Variants in PCDH9 observed in about 807,000 individuals in gnomAD.
PCDH9 encodes protocadherin-9.
Under a neutral mutation model 70.6 loss-of-function variants are expected in PCDH9, and 24 were observed. The observed-to-expected ratio is 0.34, with a 90% CI of 0.25 to 0.48. The LOEUF is 0.48. Among genes scored for constraint, PCDH9 ranks in the 20% least tolerant of loss-of-function variants. The probability of loss-of-function intolerance (pLI) is 0.99; values close to 1 mark genes in which losing one functional copy is unlikely to be tolerated. For missense variants in PCDH9, 1,281 were observed against 1,503.6 expected (o/e 0.85, Z 2.45); for synonymous variants, 562 against 558.5 (o/e 1.01, Z -0.09).
At chr13:66,459,319 T>A (rs934997443) in intron 4 of PCDH9, among the ~76,000 whole-genome samples, 6 of 152,016 alleles carry the variant, frequency 3.9e-5, no homozygotes, top group African/African-American at 7.2e-5. Context: ...TGTCATTTAA[T>A]GCAATAATGC....
chr13:67,099,372 T>C (rs1340246873), intron 2 of PCDH9, among the ~76,000 whole-genome samples: 1 of 152,204 alleles, frequency 6.6e-6, no homozygotes, highest in Non-Finnish European at 1.5e-5. Flanking sequence ...GATTTTTCAA[T>C]CTGCCATTCA....
Position 67,227,526 on chromosome 13 carries a change from T to G in PCDH9, c.915A>C (p.Leu305Phe). 6.2e-7 allele frequency: 1 copy of G among 1,613,912 alleles called. No homozygotes were observed. The highest frequency in any genetic ancestry group is 1.1e-5 in the South Asian group (1 of 91,066). The part of the protein sequence containing the change: ...VAPATKRLFA[L>F]NNTTGLITVQ... ...CTGTAATCAGCCCAGTAGTATTATTTAAAGCAAAGAGTCTTTTGGTTGCAG... is the reference window on the plus strand; with the variant it reads ...CTGTAATCAGCCCAGTAGTATTATTGAAAGCAAAGAGTCTTTTGGTTGCAG... The change falls in exon 2 of 5, where the codon TTA becomes TTC. Residue 305 changes from leucine to phenylalanine, a missense_variant. By Grantham distance (22) the Leu-to-Phe change is conservative. Coordinates refer to ENST00000377865, the MANE Select transcript of PCDH9 (RefSeq NM_203487.3). The surrounding 1 kb of genome is among the most constrained non-coding windows in gnomAD (Gnocchi z 4.6).
intron 3 of PCDH9, among the ~76,000 whole-genome samples, chr13:66,876,673 A>G (rs561082613): frequency 3.9e-5 from 6 of 152,280 alleles, no homozygotes; most frequent in African/African-American, 1.4e-4. Context: ...CATGAAAATT[A>G]TATTATTATG....
At chr13:66,453,453 T>C (rs1334277041) in intron 4 of PCDH9, among the ~76,000 whole-genome samples, 1 of 152,226 alleles carries the variant, frequency 6.6e-6, no homozygotes, top group African/African-American at 2.4e-5. Context: ...ATTTTCTTTT[T>C]GCAGGTCCCC....
chr13:66,770,771 C>A (rs935581876), intron 3 of PCDH9, among the ~76,000 whole-genome samples: 2 of 152,158 alleles, frequency 1.3e-5, no homozygotes, highest in African/African-American at 4.8e-5. Flanking sequence ...CAAACTCTTC[C>A]TTCTTTGTCT....
intron 2 of PCDH9, among the ~76,000 whole-genome samples, chr13:66,957,697 C>G (rs539319115): frequency 6.6e-6 from 1 of 152,136 alleles, no homozygotes; most frequent in Admixed American, 6.5e-5. Flanking sequence ...CTCTCTCACT[C>G]ACTCTCTTTC....
intron 2 of PCDH9, among the ~76,000 whole-genome samples, chr13:66,966,119 G>A (rs1250973594): frequency 6.6e-6 from 1 of 152,104 alleles, no homozygotes; most frequent in Non-Finnish European, 1.5e-5. Flanking sequence ...TAGACATGGA[G>A]ATTAGGGGTT....
chr13:67,178,313 T>C (rs965416), intron 2 of PCDH9, among the ~76,000 whole-genome samples: 111,315 of 151,416 alleles, frequency 0.74, 41,011 homozygotes, highest in East Asian at 0.85. Context: ...TGGCAAATCA[T>C]TTACTTCTTT....
intron 4 of PCDH9, among the ~76,000 whole-genome samples, chr13:66,326,724 C>T (rs1955854705): frequency 6.6e-6 from 1 of 152,070 alleles, no homozygotes; most frequent in Admixed American, 6.6e-5. Flanking sequence ...TCGCATAATG[C>T]ATTTTAATTC....
intron 2 of PCDH9, among the ~76,000 whole-genome samples, chr13:66,959,324 C>G (rs975341160): frequency 6.6e-6 from 1 of 152,132 alleles, no homozygotes; most frequent in Admixed American, 6.6e-5. Context: ...TTCTACATCA[C>G]TTTTTTTCTA....
chr13:67,146,688 G>A (rs913317443), intron 2 of PCDH9, among the ~76,000 whole-genome samples: 1 of 152,208 alleles, frequency 6.6e-6, no homozygotes, highest in African/African-American at 2.4e-5. Flanking sequence ...AGAAGCGGCA[G>A]TGGTTACATT....
At position 67,228,000 on chromosome 13, in the gene PCDH9, G is replaced by C; in HGVS notation, c.441C>G (p.Ile147Met). 2.5e-6 allele frequency: 4 copies of C among 1,614,044 alleles called. No individual in the cohort carries two copies. Among genetic ancestry groups the C allele is most frequent in the Non-Finnish European group, 3.4e-6 (4 of 1,179,950 alleles). ...AAGTGTTTTCTGGAATGGAAATATT[G>C]ATGACAGGAGATGGAAACATGGGGG... ...DNAPMFPSPV[I>M]NISIPENTLI... Residue 147 changes from isoleucine to methionine, a missense_variant, in exon 2 of 5, where the codon ATC becomes ATG. By Grantham distance (10) the Ile-to-Met change is conservative. Around this residue, in one of 4 missense-constraint regions of PCDH9, gnomAD observed 798 missense variants for 1,003.1 expected, o/e 0.80. Coordinates refer to ENST00000377865, the MANE Select transcript of PCDH9 (RefSeq NM_203487.3). The surrounding 1 kb of genome is among the most constrained non-coding windows in gnomAD (Gnocchi z 4.6).
At chr13:66,566,626 T>C (rs1046762922) in intron 4 of PCDH9, among the ~76,000 whole-genome samples, 1 of 152,198 alleles carries the variant, frequency 6.6e-6, no homozygotes, top group Non-Finnish European at 1.5e-5. Context: ...GCATTGCTTT[T>C]ACTAACAGTA....
At chr13:66,724,036 A>G (rs531675014) in intron 3 of PCDH9, among the ~76,000 whole-genome samples, 1 of 152,358 alleles carries the variant, frequency 6.6e-6, no homozygotes, top group Admixed American at 6.5e-5. Context: ...TGAATGAAGT[A>G]AAGAAATGAA....
intron 2 of PCDH9, among the ~76,000 whole-genome samples, chr13:67,042,336 A>G (rs2085136704): frequency 6.6e-6 from 1 of 152,154 alleles, no homozygotes; most frequent in South Asian, 2.1e-4. Context: ...GAAACTTACA[A>G]TCATGGAGGA....
chr13:66,608,232 T>G (rs889048484), intron 4 of PCDH9, among the ~76,000 whole-genome samples: 11 of 152,080 alleles, frequency 7.2e-5, no homozygotes, highest in African/African-American at 2.7e-4. Flanking sequence ...TGATAGCTGA[T>G]TATAAAGAGT....
At chr13:66,512,766 A>T (rs1271183015) in intron 4 of PCDH9, among the ~76,000 whole-genome samples, 1 of 152,096 alleles carries the variant, frequency 6.6e-6, no homozygotes, top group East Asian at 1.9e-4. Context: ...CTCTAGCAAA[A>T]AGACACATGG....
At chr13:66,557,968 C>T (rs572165646) in intron 4 of PCDH9, among the ~76,000 whole-genome samples, 73 of 152,202 alleles carry the variant, frequency 4.8e-4, no homozygotes, top group African/African-American at 1.7e-3. Flanking sequence ...GTGTGGGCAA[C>T]ATGGAGAGAC....
intron 2 of PCDH9, among the ~76,000 whole-genome samples, chr13:67,001,257 CATTA>C (rs1225317717): frequency 1.3e-5 from 2 of 152,124 alleles, no homozygotes; most frequent in Non-Finnish European, 2.9e-5. Context: ...CTATTGACCA[CATTA>C]ATTAGTATTT....
Sources: gnomAD v4.1 joint callset for allele counts (sites outside exome capture counted in the v4.1 genomes callset) on GRCh38, gnomAD v4.1.1 for gene constraint, gnomAD v4.1.1 regional missense constraint, Gnocchi (gnomAD v3.1) non-coding constraint, MANE v1.5 for transcripts, NCBI Gene and HGNC (gene_info 2026-07-23, HGNC 2026-07-21) for gene names.